TMEFF2: variants seen among roughly 807,000 people sequenced by gnomAD.
TMEFF2 encodes the protein transmembrane protein with EGF like and two follistatin like domains 2, also known as tomoregulin-2.
TMEFF2 carries 28 observed loss-of-function variants against 53.8 expected under a neutral mutation model. That is an observed-to-expected ratio of 0.52 (90% confidence interval 0.39 to 0.71). The LOEUF is 0.71. Ranked by LOEUF, TMEFF2 falls within the 30% of genes least tolerant of loss-of-function variation. The probability of loss-of-function intolerance (pLI) is 0.00; values close to 1 mark genes in which losing one functional copy is unlikely to be tolerated. For synonymous variants in TMEFF2, 162 were observed against 166.3 expected (o/e 0.97, Z 0.20); for missense variants, 353 against 455.2 (o/e 0.78, Z 2.04).
intron 4 of TMEFF2, among the ~76,000 whole-genome samples, chr2:192,079,226 C>T (rs150001991): frequency 6.6e-5 from 10 of 152,310 alleles, no homozygotes; most frequent in African/African-American, 2.2e-4. Context: ...GCAATATTTG[C>T]TCTGCAGATG....
At chr2:191,966,001 A>C (rs2105798894) in intron 7 of TMEFF2, among the ~76,000 whole-genome samples, 1 of 152,240 alleles carries the variant, frequency 6.6e-6, no homozygotes, top group Non-Finnish European at 1.5e-5. Context: ...AAAAAAAAAA[A>C]AAACTTGCGT....
intron 3 of TMEFF2, 55 bp from the exon 4 acceptor site, chr2:192,179,749 C>T (rs1037979040): frequency 1.4e-6 from 2 of 1,468,194 alleles, no homozygotes; most frequent in East Asian, 5.1e-5. Flanking sequence ...ATATTTATGA[C>T]TTTTTAAGCT....
chr2:192,044,545 A>G (rs1226518888), intron 5 of TMEFF2: 2 of 152,128 alleles, frequency 1.3e-5, no homozygotes, highest in Admixed American at 1.3e-4. Context: ...GCTTTTCACT[A>G]GTTTTCAGTG....
intron 4 of TMEFF2, among the ~76,000 whole-genome samples, chr2:192,080,855 T>C (rs1688535503): frequency 6.6e-6 from 1 of 151,758 alleles, no homozygotes; most frequent in South Asian, 2.1e-4. Flanking sequence ...AAATATTTGA[T>C]CAAACATTTT....
intron 5 of TMEFF2, among the ~76,000 whole-genome samples, chr2:192,001,612 G>A (rs1474950709): frequency 6.6e-6 from 1 of 152,132 alleles, no homozygotes; most frequent in Non-Finnish European, 1.5e-5. Context: ...TGTTGTGGGA[G>A]CGACCTGGTG....
chr2:192,189,231 T>C (rs942875313), intron 2 of TMEFF2, among the ~76,000 whole-genome samples: 1 of 152,100 alleles, frequency 6.6e-6, no homozygotes, highest in South Asian at 2.1e-4. Flanking sequence ...CTTTGAAATT[T>C]ATCTCTCAGC....
intron 5 of TMEFF2, among the ~76,000 whole-genome samples, chr2:192,034,232 A>T (rs1478382374): frequency 6.6e-6 from 1 of 152,162 alleles, no homozygotes; most frequent in East Asian, 1.9e-4. Context: ...ATCAAGAAAA[A>T]ATAAAATTTA....
At chr2:192,031,980 TTGAC>T (rs1314753736) in intron 5 of TMEFF2, 7 of 152,180 alleles carry the variant, frequency 4.6e-5, no homozygotes, top group Admixed American at 3.9e-4. Context: ...GAGTAAAAGA[TTGAC>T]TGAACAGCAA....
chr2:192,153,363 C>G lies in TMEFF2; in HGVS notation c.439+26305G>C, dbSNP rs966509671. 4.6e-5 allele frequency among the ~76,000 whole-genome samples: 7 copies of G among 151,850 alleles called. No homozygotes were observed. In the South Asian group the frequency reaches 1.5e-3, roughly 31 times the overall value. ...AGATGACTTTGCATCTAACTTCCCACTGTGCTTCTTTCCTAGCATATATAC... is the reference window on the plus strand; with the variant it reads ...AGATGACTTTGCATCTAACTTCCCAGTGTGCTTCTTTCCTAGCATATATAC... On this transcript the variant is annotated intron_variant, in intron 4 of 9. Coordinates refer to ENST00000272771, the MANE Select transcript of TMEFF2 (RefSeq NM_016192.4).
chr2:192,080,657 G>A (rs766102770), intron 4 of TMEFF2, among the ~76,000 whole-genome samples: 3 of 152,044 alleles, frequency 2.0e-5, no homozygotes, highest in South Asian at 4.1e-4. Context: ...TACACATATC[G>A]ATTTAAATGA....
intron 7 of TMEFF2, among the ~76,000 whole-genome samples, chr2:191,990,299 A>G (rs1035072669): frequency 1.3e-5 from 2 of 152,186 alleles, no homozygotes; most frequent in African/African-American, 4.8e-5. Flanking sequence ...GTTTATATAT[A>G]GTTTCAAATC....
intron 4 of TMEFF2, among the ~76,000 whole-genome samples, chr2:192,102,623 G>C (rs1428430558): frequency 8.6e-4 from 56 of 65,362 alleles, no homozygotes; most frequent in African/African-American, 3.1e-3. Flanking sequence ...TTCTTTTCTT[G>C]TTCTTTTTTT....
In TMEFF2 at chr2:192,045,664, A is replaced by G. The variant is rs528718117; in HGVS notation, c.536+12015T>C. Among the ~76,000 whole-genome samples, 13 of 152,184 alleles carry G rather than the reference A, an allele frequency of 8.5e-5. No individual in the cohort carries two copies. In the East Asian group the frequency reaches 1.9e-3, roughly 23 times the overall value. On this transcript the variant is annotated intron_variant, in intron 5 of 9. Transcript: ENST00000272771. ...CATAGGCTCAGCGACATAGACTCCT[A>G]CTCACCAAGACCAACCTGGCTACAG...
intron 1 of TMEFF2, among the ~76,000 whole-genome samples, chr2:192,193,681 G>A (rs1268599738): frequency 6.6e-6 from 1 of 151,930 alleles, no homozygotes; most frequent in Non-Finnish European, 1.5e-5. Flanking sequence ...AGCAAAGAGA[G>A]GGGCATATCT....
chr2:192,001,913 T>C (rs1171462559), intron 5 of TMEFF2, among the ~76,000 whole-genome samples: 1 of 152,250 alleles, frequency 6.6e-6, no homozygotes, highest in Non-Finnish European at 1.5e-5. Context: ...TTGATTGAAT[T>C]GGACTGGTTA....
At chr2:191,977,776 A>G (rs113777664) in intron 7 of TMEFF2, among the ~76,000 whole-genome samples, 5 of 152,340 alleles carry the variant, frequency 3.3e-5, no homozygotes, top group East Asian at 1.9e-4. Flanking sequence ...TGCTGACTCA[A>G]TGTGATCTAT....
chr2:192,123,333 T>G (rs1689603314), intron 4 of TMEFF2, among the ~76,000 whole-genome samples: 1 of 152,200 alleles, frequency 6.6e-6, no homozygotes. Context: ...ATAAATAAGT[T>G]TATGTTTTTT....
At chr2:192,133,723 T>C (rs1238009607) in intron 4 of TMEFF2, among the ~76,000 whole-genome samples, 2 of 152,208 alleles carry the variant, frequency 1.3e-5, no homozygotes, top group African/African-American at 4.8e-5. Context: ...TCGCTTTCAC[T>C]TGGACTGACC....
chr2:192,188,291 C>T (rs1466015896), intron 2 of TMEFF2, among the ~76,000 whole-genome samples: 1 of 152,200 alleles, frequency 6.6e-6, no homozygotes, highest in African/African-American at 2.4e-5. Context: ...TTCTACCTGG[C>T]TCTTTCTTTC....
Sources: allele counts gnomAD v4.1 joint callset (sites outside exome capture counted in the v4.1 genomes callset), GRCh38; gene constraint gnomAD v4.1.1; transcripts MANE v1.5; gene names NCBI Gene and HGNC (gene_info 2026-07-23, HGNC 2026-07-21).